JPH4: variants seen among roughly 807,000 people sequenced by gnomAD.
JPH4 encodes junctophilin-4.
Under a neutral mutation model 57.6 loss-of-function variants are expected in JPH4, and 18 were observed. The ratio of observed to expected loss-of-function variants is 0.31; its 90% CI spans 0.22 to 0.46. The LOEUF (loss-of-function observed/expected upper bound fraction) is 0.46. Among genes scored for constraint, JPH4 ranks in the 20% least tolerant of loss-of-function variants. The pLI is 1.00. For synonymous variants in JPH4, 425 were observed against 406.6 expected (o/e 1.05, Z -0.54); for missense variants, 727 against 911.1 (o/e 0.80, Z 2.60).
Position 23,576,062 on chromosome 14 carries a change from G to A in JPH4, c.774C>T (p.Pro258=). 3 of 1,316,658 alleles carry A rather than the reference G, an allele frequency of 2.3e-6. No individual in the cohort carries two copies. The highest frequency in any genetic ancestry group is 1.9e-6 in the Non-Finnish European group (2 of 1,038,512). The allele number at this position is 1,316,658 out of a possible 1,614,324, so 81.6% of individuals were successfully genotyped here. The part of the protein sequence containing the change: ...VSSEVGSTGP[P]GSEASGPPAA... Reference sequence around the variant, plus strand: ...CCGGGGGCCCGCTGGCCTCCGAGCCGGGCGGTCCGGTGCTGCCCACCTCGC... The same window carrying A: ...CCGGGGGCCCGCTGGCCTCCGAGCCAGGCGGTCCGGTGCTGCCCACCTCGC... The change falls in exon 3 of 6, where the codon CCC becomes CCT. Residue 258 remains proline, a synonymous_variant. Transcript: ENST00000356300. This position sits in a 1 kb window ranked among gnomAD's most constrained non-coding sequence, Gnocchi z 8.0.
At position 23,575,582 on chromosome 14, in the gene JPH4, C is replaced by CTAGGCCT; in HGVS notation, c.1151+96_1151+102dup. ...GGCCTTAGGCTTGCAATAGCAGGCC[C>CTAGGCCT]TAGGCCTTGGGCCTTGGGCCTCCCT... On this transcript the variant is annotated intron_variant, in intron 3 of 5. Coordinates refer to ENST00000356300, the MANE Select transcript of JPH4 (RefSeq NM_001146028.2). This position sits in a 1 kb window ranked among gnomAD's most constrained non-coding sequence, Gnocchi z 6.9. 2.7e-6 allele frequency: 4 copies of CTAGGCCT among 1,458,674 alleles called. No individual in the cohort carries two copies. The highest frequency in any genetic ancestry group is 2.8e-6 in the Non-Finnish European group (3 of 1,077,852). The allele number at this position is 1,458,674 out of a possible 1,614,324, so 90.4% of individuals were successfully genotyped here.
In JPH4 at chr14:23,570,809, G is replaced by A. The variant is rs1889113572; in HGVS notation, c.1803+119C>T. The A allele has an allele frequency of 1.2e-5, 13 of 1,064,872 alleles. No homozygotes were observed. In the South Asian group the frequency reaches 3.1e-4, roughly 26 times the overall value. The allele number at this position is 1,064,872 out of a possible 1,614,324, so 66.0% of individuals were successfully genotyped here. A position where few individuals can be genotyped will look rare whatever the true frequency, so the allele number is the denominator to read the frequency against. On this transcript the variant is annotated intron_variant, in intron 5 of 5. Transcript: ENST00000356300. ...TTGAGGTGGGATGTGGTCCAAGACT[G>A]GCCAGGCAGAGGAAGCCGAGTGAGA...
In JPH4 at chr14:23,578,362, G is replaced by A. The variant is rs531793723; in HGVS notation, c.-354C>T. On this transcript the variant is annotated 5_prime_UTR_variant, in exon 1 of 6. Coordinates refer to ENST00000356300, the MANE Select transcript of JPH4 (RefSeq NM_001146028.2). ...CCCCAGCTGGAGGAGCAGGCTGGGTGGGGGGGCGAGGTAGTGGCAAGGGTG... is the reference window on the plus strand; with the variant it reads ...CCCCAGCTGGAGGAGCAGGCTGGGTAGGGGGGCGAGGTAGTGGCAAGGGTG... The A allele has an allele frequency of 7.2e-5, 11 of 152,114 alleles. No homozygotes were observed. The highest frequency in any genetic ancestry group is 2.9e-5 in the Non-Finnish European group (2 of 68,096). The allele number at this position is 152,114 out of a possible 1,614,324, so 9.4% of individuals were successfully genotyped here. A position where few individuals can be genotyped will look rare whatever the true frequency, so the allele number is the denominator to read the frequency against.
In JPH4 at chr14:23,577,054, C is replaced by T. The variant is rs775104264; in HGVS notation, c.379+21G>A. ...GCGCACGCGGACGAGCAGACAGACA[C>T]TGGTGGGCCGGGCCCCGCACCTCCG... On this transcript the variant is annotated intron_variant, in intron 2 of 5. Coordinates refer to ENST00000356300, the MANE Select transcript of JPH4 (RefSeq NM_001146028.2). This position sits in a 1 kb window ranked among gnomAD's most constrained non-coding sequence, Gnocchi z 8.4. The T allele has an allele frequency of 6.6e-7, 1 of 1,504,886 alleles. No homozygotes were observed. Among genetic ancestry groups the T allele is most frequent in the East Asian group, 2.5e-5 (1 of 40,464 alleles). The allele number at this position is 1,504,886 out of a possible 1,614,324, so 93.2% of individuals were successfully genotyped here. A position where few individuals can be genotyped will look rare whatever the true frequency, so the allele number is the denominator to read the frequency against.
chr14:23,568,523 C>G lies in JPH4; in HGVS notation c.*1111G>C. ...ATCAGCTATCTTTGATCCCCTCCTT[C>G]TGTTGTTTTCCCATTTCACAAGATT... On this transcript the variant is annotated 3_prime_UTR_variant, in exon 6 of 6. Coordinates refer to ENST00000356300, the MANE Select transcript of JPH4 (RefSeq NM_001146028.2). The G allele has an allele frequency of 1.0e-6, 1 of 985,786 alleles. No homozygotes were observed. Among genetic ancestry groups the G allele is most frequent in the Non-Finnish European group, 1.2e-6 (1 of 829,968 alleles). The allele number at this position is 985,786 out of a possible 1,614,324, so 61.1% of individuals were successfully genotyped here. A position where few individuals can be genotyped will look rare whatever the true frequency, so the allele number is the denominator to read the frequency against.
At chr14:23,573,883 G>C (rs1449132345) in intron 3 of JPH4, among the ~76,000 whole-genome samples, 1 of 151,252 alleles carries the variant, frequency 6.6e-6, no homozygotes, top group Non-Finnish European at 1.5e-5. Context: ...CACATTCTCT[G>C]ACTCAAACGT....
chr14:23,572,917 G>A (rs1889188807), intron 3 of JPH4: 5 of 702,500 alleles, frequency 7.1e-6, no homozygotes, highest in Non-Finnish European at 1.3e-5. Context: ...TGTGATGTCA[G>A]ATGCTTCCTC....
chr14:23,571,411 A>C lies in JPH4; in HGVS notation c.1320T>G (p.Asp440Glu). The C allele has an allele frequency of 6.3e-7, 1 of 1,599,740 alleles. No homozygotes were observed. Among genetic ancestry groups the C allele is most frequent in the South Asian group, 1.1e-5 (1 of 91,070 alleles). The change falls in exon 5 of 6, where the codon GAT becomes GAG. Residue 440 changes from aspartate to glutamate, a missense_variant. Physicochemically the swap from Asp to Glu is conservative, Grantham distance 45 (BLOSUM62 2). Around this residue, in one of 7 missense-constraint regions of JPH4, gnomAD observed 293 missense variants for 279.8 expected, o/e 1.05. Coordinates refer to ENST00000356300, the MANE Select transcript of JPH4 (RefSeq NM_001146028.2). This position sits in a 1 kb window ranked among gnomAD's most constrained non-coding sequence, Gnocchi z 4.6. Reference protein sequence around the residue: ...DSEGSDTEPLDEDSPGVYENG... With the variant: ...DSEGSDTEPLEEDSPGVYENG... ...TCTCATATACCCCAGGGCTGTCCTC[A>C]TCCAGGGGCTCCGTGTCGGAACCTT...
Position 23,575,967 on chromosome 14 carries a change from C to T in JPH4, c.869G>A (p.Arg290Gln), listed in dbSNP as rs778580653. Residue 290 changes from arginine (R) to glutamine (Q), a missense_variant, in exon 3 of 6, where the codon CGG becomes CAG. This residue lies in a region of JPH4 where 112 missense variants were observed against 199.4 expected (regional missense o/e 0.56). Transcript: ENST00000356300. This position sits in a 1 kb window ranked among gnomAD's most constrained non-coding sequence, Gnocchi z 6.9. ...EVYAGEWRADRRSGFGVSQRS... is the reference protein window; with the variant it reads ...EVYAGEWRADQRSGFGVSQRS... ...CTGGCTGACGCCGAAGCCGCTGCGC[C>T]GATCTGCGCGCCACTCGCCCGCGTA... The T allele has an allele frequency of 5.2e-6, 8 of 1,532,078 alleles. No individual in the cohort carries two copies. The highest frequency in any genetic ancestry group is 7.0e-6 in the Non-Finnish European group (8 of 1,149,722). 94.9% of individuals were successfully genotyped at this position (1,532,078 alleles called of 1,614,324 possible).
At position 23,569,007 on chromosome 14, in the gene JPH4, T is replaced by A. The variant is rs1158578127; in HGVS notation, c.*627A>T. 1 of 159,516 alleles carries A rather than the reference T, an allele frequency of 6.3e-6. No homozygotes were observed. The highest frequency in any genetic ancestry group is 1.3e-5 in the Non-Finnish European group (1 of 74,294). The allele number at this position is 159,516 out of a possible 1,614,324, so 9.9% of individuals were successfully genotyped here. A position where few individuals can be genotyped will look rare whatever the true frequency, so the allele number is the denominator to read the frequency against. On this transcript the variant is annotated 3_prime_UTR_variant, in exon 6 of 6. Transcript: ENST00000356300. This position sits in a 1 kb window ranked among gnomAD's most constrained non-coding sequence, Gnocchi z 4.8. Reference sequence around the variant, plus strand: ...TCTACTTTTCACTTCCCTTCTCTCCTTCAGGGAAGGATGGAATTGGGCAGT... The same window carrying A: ...TCTACTTTTCACTTCCCTTCTCTCCATCAGGGAAGGATGGAATTGGGCAGT...
intron 5 of JPH4, 104 bp downstream of exon 5, chr14:23,570,824 G>A (rs1889114050): frequency 1.7e-6 from 2 of 1,192,090 alleles, no homozygotes; most frequent in East Asian, 2.8e-5. Flanking sequence ...GGCAGAGGAA[G>A]CCGAGTGAGA....
In JPH4 at chr14:23,569,672, G is replaced by A; in HGVS notation, c.1849C>T (p.Leu617Phe). ...LVVGAVALLDLSLAFLFSQLL... is the reference protein window; with the variant it reads ...LVVGAVALLDFSLAFLFSQLL... Reference sequence around the variant, plus strand: ...TGGGAGAACAGGAATGCCAGGCTGAGGTCCAGGAGGGCCACGGCTCCCACC... The same window carrying A: ...TGGGAGAACAGGAATGCCAGGCTGAAGTCCAGGAGGGCCACGGCTCCCACC... The change falls in exon 6 of 6, where the codon CTC becomes TTC. Residue 617 changes from leucine (L) to phenylalanine (F), a missense_variant. This residue lies in a region of JPH4 where 12 missense variants were observed against 29.5 expected (regional missense o/e 0.41). Transcript: ENST00000356300. This position sits in a 1 kb window ranked among gnomAD's most constrained non-coding sequence, Gnocchi z 4.8. 6.4e-7 allele frequency: 1 copy of A among 1,552,728 alleles called. No homozygotes were observed. The highest frequency in any genetic ancestry group is 8.7e-7 in the Non-Finnish European group (1 of 1,147,798).
rs753935533 is a variant in JPH4, at chr14:23,575,751, C to T, written c.1085G>A (p.Arg362Lys). 6.3e-7 allele frequency: 1 copy of T among 1,594,770 alleles called. No homozygotes were observed. Among genetic ancestry groups the T allele is most frequent in the Non-Finnish European group, 8.5e-7 (1 of 1,173,112 alleles). Reference protein sequence around the residue: ...RRGKVKEKVDRAVEGARRAVS... With the variant: ...RRGKVKEKVDKAVEGARRAVS... ...GGCTCGACGGGCGCCCTCGACAGCC[C>T]TGTCCACCTTCTCCTTAACCTTGCC... Residue 362 changes from arginine (R) to lysine (K), a missense_variant, in exon 3 of 6, where the codon AGG becomes AAG. By Grantham distance (26) the Arg-to-Lys change is conservative. Transcript: ENST00000356300. The surrounding 1 kb of genome is among the most constrained non-coding windows in gnomAD (Gnocchi z 6.9).
In JPH4 at chr14:23,576,357, C is replaced by T; in HGVS notation, c.479G>A (p.Arg160His). ...HQAALLRSPR[R>H]TSLDSGHSDP... ...GCTGTGGCCGGAATCCAGGGAGGTG[C>T]GGCGGGGCGAGCGCAGCAGCGCCGC... is the stretch of plus-strand genomic sequence containing the variant. The change falls in exon 3 of 6, where the codon CGC (arginine) becomes CAC (histidine). Residue 160 changes from arginine (R) to histidine (H), a missense_variant. By Grantham distance (29) the Arg-to-His change is conservative (BLOSUM62 0). Transcript: ENST00000356300. The surrounding 1 kb of genome is among the most constrained non-coding windows in gnomAD (Gnocchi z 8.0). The T allele has an allele frequency of 1.5e-6, 2 of 1,333,586 alleles. No individual in the cohort carries two copies. The highest frequency in any genetic ancestry group is 1.9e-6 in the Non-Finnish European group (2 of 1,046,176). 82.6% of individuals were successfully genotyped at this position (1,333,586 alleles called of 1,614,324 possible). A position where few individuals can be genotyped will look rare whatever the true frequency, so the allele number is the denominator to read the frequency against.
In JPH4 at chr14:23,571,264, G is replaced by C. The variant is rs747406612; in HGVS notation, c.1467C>G (p.Phe489Leu). ...CCTCAGGCCAAGCTTTGGGGCTGGA[G>C]AAGGGACCCTGGTCCCCTCCAGGAG... ...PLPPGGDQGP[F>L]SSPKAWPEEW... Residue 489 changes from phenylalanine to leucine, a missense_variant, in exon 5 of 6, where the codon TTC becomes TTG. By Grantham distance (22) the Phe-to-Leu change is conservative. Transcript: ENST00000356300. This position sits in a 1 kb window ranked among gnomAD's most constrained non-coding sequence, Gnocchi z 4.6. The C allele has an allele frequency of 3.1e-6, 5 of 1,606,388 alleles. No homozygotes were observed. In the African/African-American group the frequency reaches 6.7e-5, roughly 21 times the overall value.
chr14:23,571,662 C>CCTGT lies in JPH4; in HGVS notation c.1270+136_1270+139dup, dbSNP rs1385330705. On this transcript the variant is annotated intron_variant, in intron 4 of 5. Coordinates refer to ENST00000356300, the MANE Select transcript of JPH4 (RefSeq NM_001146028.2). The surrounding 1 kb of genome is among the most constrained non-coding windows in gnomAD (Gnocchi z 4.6). ...CCAGACTACCAGGTCTGGCCCCCACCCTGTGTTCCTTGCACCCTCATTCCT... is the reference window on the plus strand; with the variant it reads ...CCAGACTACCAGGTCTGGCCCCCACCCTGTCTGTGTTCCTTGCACCCTCATTCCT... 3.1e-5 allele frequency: 32 copies of CCTGT among 1,018,592 alleles called. No individual in the cohort carries two copies. Among genetic ancestry groups the CCTGT allele is most frequent in the Non-Finnish European group, 3.8e-5 (26 of 679,658 alleles). The allele number at this position is 1,018,592 out of a possible 1,614,324, so 63.1% of individuals were successfully genotyped here. A position where few individuals can be genotyped will look rare whatever the true frequency, so the allele number is the denominator to read the frequency against.
Position 23,569,706 on chromosome 14 carries a change from G to A in JPH4, c.1815C>T (p.Asn605=), listed in dbSNP as rs1241881880. ...GGGCCACGGCTCCCACCACCAGGGG[G>A]TTGGCAGCTCCCTAGAGAGACAGAG... The part of the protein sequence containing the change: ...TERPAQPGAA[N]PLVVGAVALL... The change falls in exon 6 of 6, where the codon AAC becomes AAT. Residue 605 remains asparagine, a synonymous_variant. Coordinates refer to ENST00000356300, the MANE Select transcript of JPH4 (RefSeq NM_001146028.2). The surrounding 1 kb of genome is among the most constrained non-coding windows in gnomAD (Gnocchi z 4.8). 5.8e-6 allele frequency: 9 copies of A among 1,550,734 alleles called. No individual in the cohort carries two copies. The Admixed American group carries it at 1.4e-4, about 24-fold the overall frequency.
Position 23,569,613 on chromosome 14 carries a change from G to T in JPH4, c.*21C>A. ...GTGAAGAGGCACGCAACCAAAGCCA[G>T]AACCAGGCCAGGAAGTAGCCTCAGG... On this transcript the variant is annotated 3_prime_UTR_variant, in exon 6 of 6. Coordinates refer to ENST00000356300, the MANE Select transcript of JPH4 (RefSeq NM_001146028.2). This position sits in a 1 kb window ranked among gnomAD's most constrained non-coding sequence, Gnocchi z 4.8. The T allele has an allele frequency of 6.5e-7, 1 of 1,544,630 alleles. No individual in the cohort carries two copies.
rs1667956490 is a variant in JPH4 at position 23,573,838 on chromosome 14, T to G, written c.1151+1847A>C. Among the ~76,000 whole-genome samples the G allele has an allele frequency of 2.6e-5, 4 of 152,170 alleles. 1 individual carries two copies. The South Asian group carries it at 8.3e-4, about 32-fold the overall frequency. ...CCTTCCCTGGCTTAAGTCCCTGGGC[T>G]CTAACATCCAGACTCCCAGACACAT... On this transcript the variant is annotated intron_variant, in intron 3 of 5. Transcript: ENST00000356300.
Sources: allele counts gnomAD v4.1 joint callset (sites outside exome capture counted in the v4.1 genomes callset), GRCh38; gene constraint gnomAD v4.1.1; regional missense constraint gnomAD v4.1.1; non-coding constraint Gnocchi (gnomAD v3.1); transcripts MANE v1.5; gene names NCBI Gene and HGNC (gene_info 2026-07-23, HGNC 2026-07-21).